The following SFI1 variants were observed in gnomAD, a reference collection of about 807,000 sequenced individuals.
SFI1 encodes the protein protein SFI1 homolog.
A neutral mutation model predicts 207.5 loss-of-function variants in SFI1; 195 were observed. The observed-to-expected ratio is 0.94, with a 90% confidence interval of 0.84 to 1.06. The LOEUF (loss-of-function observed/expected upper bound fraction) is 1.06, where lower values mean the gene tolerates loss of function less well. Ranked by LOEUF, SFI1 falls within the 50% of genes least tolerant of loss-of-function variation. The pLI, the probability that SFI1 is intolerant of heterozygous loss-of-function variation, is 0.00. For missense variants in SFI1, 1,634 were observed against 1,588.0 expected, an observed-to-expected ratio of 1.03 and a Z score of -0.49; for synonymous variants, 630 against 598.9, an observed-to-expected ratio of 1.05 and a Z score of -0.76.
At chr22:31,607,288 G>A (rs1338304971) in intron 21 of SFI1, among the ~76,000 whole-genome samples, 2 of 152,086 alleles carry the variant, frequency 1.3e-5, no homozygotes, top group Non-Finnish European at 2.9e-5. Context: ...TGTATACGAC[G>A]TAGGTGTGTT....
At chr22:31,519,515 C>T (rs2056949570) in intron 2 of SFI1, among the ~76,000 whole-genome samples, 2 of 151,922 alleles carry the variant, frequency 1.3e-5, no homozygotes, top group African/African-American at 4.8e-5. Context: ...TGGCTCACTG[C>T]AACATCTGCC....
chr22:31,548,821 AT>A (rs1483289358), intron 5 of SFI1, among the ~76,000 whole-genome samples: 1 of 151,902 alleles, frequency 6.6e-6, no homozygotes, highest in Non-Finnish European at 1.5e-5. Flanking sequence ...AAAAAAAAAA[AT>A]TCTTTTTTAA....
At chr22:31,601,238 C>A (rs1339161646) in intron 15 of SFI1, among the ~76,000 whole-genome samples, 2 of 150,344 alleles carry the variant, frequency 1.3e-5, no homozygotes, top group Non-Finnish European at 2.9e-5. Context: ...ATTCTCCTGC[C>A]TCAGCCTCCC....
At chr22:31,526,970 C>T (rs1050602992) in intron 2 of SFI1, among the ~76,000 whole-genome samples, 3 of 152,116 alleles carry the variant, frequency 2.0e-5, no homozygotes, top group African/African-American at 7.2e-5. Flanking sequence ...TGGCATGGCT[C>T]ACCGCAACCT....
chr22:31,548,745 G>A (rs1304094655), intron 5 of SFI1, among the ~76,000 whole-genome samples: 2 of 151,724 alleles, frequency 1.3e-5, no homozygotes, highest in African/African-American at 2.4e-5. Context: ...GGAGTCGGAG[G>A]TTGCAGTGGG....
chr22:31,520,277 G>A (rs1001848342), intron 2 of SFI1, among the ~76,000 whole-genome samples: 1 of 151,682 alleles, frequency 6.6e-6, no homozygotes, highest in Non-Finnish European at 1.5e-5. Flanking sequence ...TGACTTGAAT[G>A]GTAATTACTT....
At chr22:31,575,124 C>A in intron 9 of SFI1, 107 bp from the exon 10 acceptor site, 2 of 697,188 alleles carry the variant, frequency 2.9e-6, no homozygotes, top group Non-Finnish European at 4.5e-6. Context: ...GTGTGTGTGG[C>A]CTTGAACCCC....
intron 3 of SFI1, chr22:31,530,544 CTG>C (rs2058414938): frequency 2.3e-6 from 1 of 434,218 alleles, no homozygotes; most frequent in African/African-American, 2.1e-5. Flanking sequence ...ATACCAGACA[CTG>C]TGCTAGGTAC....
intron 15 of SFI1, among the ~76,000 whole-genome samples, chr22:31,589,798 TGTGTG>T (rs1378960001): frequency 0.012 from 1,629 of 140,544 alleles, 8 homozygotes; most frequent in Middle Eastern, 0.033. Context: ...TTATTTTTTT[TGTGTG>T]TGTGTATATA....
intron 29 of SFI1, 154 bp downstream of exon 29, chr22:31,615,433 A>G: frequency 3.2e-6 from 2 of 621,188 alleles, no homozygotes; most frequent in Non-Finnish European, 5.1e-6. Flanking sequence ...ACTGCACACC[A>G]GGTCCAAGGG....
At chr22:31,497,193 T>C (rs2052825225) in intron 1 of SFI1, 2 of 151,892 alleles carry the variant, frequency 1.3e-5, no homozygotes, top group African/African-American at 4.8e-5. Flanking sequence ...ATTTGTTGAA[T>C]GAATGATGTG....
rs1293077499 is a variant in SFI1 at position 31,553,867 on chromosome 22, T to TTTTTTTTTC, written c.545-3074_545-3073insTTTTTTTCT. 3.4e-4 allele frequency among the ~76,000 whole-genome samples: 39 copies of TTTTTTTTTC among 116,200 alleles called. 1 individual carries two copies. The highest frequency in any genetic ancestry group is 5.8e-4 in the Non-Finnish European group (33 of 57,152). 76.2% of individuals were successfully genotyped at this position (116,200 alleles called of 152,430 possible). On this transcript the variant is annotated intron_variant, in intron 6 of 32. Coordinates refer to ENST00000400288, the MANE Select transcript of SFI1 (RefSeq NM_001007467.3). Reference sequence around the variant, plus strand: ...TTTTTTTTTTTTTTTTTTTTTTTTTTTGCGAGAGTCCCACTGTTGCCCAGG... The same window carrying TTTTTTTTTC: ...TTTTTTTTTTTTTTTTTTTTTTTTTTTTTTTTTTCTGCGAGAGTCCCACTGTTGCCCAGG...
intron 2 of SFI1, among the ~76,000 whole-genome samples, chr22:31,525,117 CT>C (rs1212214751): frequency 6.6e-6 from 1 of 152,082 alleles, no homozygotes. Context: ...TATAGGTTGT[CT>C]TTTTACTCTG....
In SFI1 at chr22:31,618,309, C is replaced by CCCAGGTGGAAATGCAGATCCA. The variant is rs762220195; in HGVS notation, c.3625-4_3641dup. On this transcript the variant is annotated splice_polypyrimidine_tract_variant and splice_region_variant and intron_variant, in intron 32 of 32. Coordinates refer to ENST00000400288, the MANE Select transcript of SFI1 (RefSeq NM_001007467.3). ...TCAGCCCTGCCTGTCCCTCCATGGC[C>CCCAGGTGGAAATGCAGATCCA]CCAGGTGGAAATGCAGATCCAGCTG... is the stretch of plus-strand genomic sequence containing the variant. 2.1e-5 allele frequency: 33 copies of CCCAGGTGGAAATGCAGATCCA among 1,608,458 alleles called. No individual in the cohort carries two copies. Among genetic ancestry groups the CCCAGGTGGAAATGCAGATCCA allele is most frequent in the Non-Finnish European group, 8.5e-7 (1 of 1,176,476 alleles).
intron 8 of SFI1, among the ~76,000 whole-genome samples, chr22:31,566,153 G>C (rs1309302359): frequency 6.6e-6 from 1 of 150,644 alleles, no homozygotes; most frequent in Non-Finnish European, 1.5e-5. Context: ...CCGTGCAGTG[G>C]CACAATCTCA....
Position 31,615,261 on chromosome 22 carries a change from G to T in SFI1, c.3282G>T (p.Gly1094=). 6.6e-7 allele frequency: 1 copy of T among 1,505,180 alleles called. No homozygotes were observed. The highest frequency in any genetic ancestry group is 8.8e-7 in the Non-Finnish European group (1 of 1,134,464). 93.2% of individuals were successfully genotyped at this position (1,505,180 alleles called of 1,614,324 possible). The change falls in exon 29 of 33, where the codon GGG becomes GGT. Residue 1094 remains glycine (G), a synonymous_variant. Transcript: ENST00000400288. ...CTCTTTCCTCCTTCATGCCCTGCGG[G>T]GCGGCTGCACCAGCCAGGGTACGTC... ...LLPLSSFMPC[G]AAAPARVSAQ...
At chr22:31,526,550 C>T (rs1335418245) in intron 2 of SFI1, among the ~76,000 whole-genome samples, 1 of 152,090 alleles carries the variant, frequency 6.6e-6, no homozygotes, top group African/African-American at 2.4e-5. Flanking sequence ...CACAGCTAAA[C>T]CATATCAATA....
In SFI1 at chr22:31,615,246, C is replaced by T. The variant is rs2071211166; in HGVS notation, c.3267C>T (p.Ser1089=). Residue 1089 remains serine (S), a synonymous_variant, in exon 29 of 33, where the codon TCC becomes TCT. Coordinates refer to ENST00000400288, the MANE Select transcript of SFI1 (RefSeq NM_001007467.3). ...GPELLLLPLS[S]FMPCGAAAPA... ...AGCTGCTGCTGCTGCCTCTTTCCTC[C>T]TTCATGCCCTGCGGGGCGGCTGCAC... is the stretch of plus-strand genomic sequence containing the variant. 2 of 1,521,516 alleles carry T rather than the reference C, an allele frequency of 1.3e-6. No individual in the cohort carries two copies. The highest frequency in any genetic ancestry group is 1.3e-5 in the South Asian group (1 of 79,344). The allele number at this position is 1,521,516 out of a possible 1,614,324, so 94.3% of individuals were successfully genotyped here.
intron 19 of SFI1, 199 bp downstream of exon 19, chr22:31,604,603 T>C (rs890414158): frequency 5.0e-6 from 3 of 595,914 alleles, no homozygotes; most frequent in Non-Finnish European, 8.8e-6. Context: ...AAACAAGTGC[T>C]GTCTGTGGGT....
Sources: allele counts gnomAD v4.1 joint callset (sites outside exome capture counted in the v4.1 genomes callset), GRCh38; gene constraint gnomAD v4.1.1; transcripts MANE v1.5; gene names NCBI Gene and HGNC (gene_info 2026-07-23, HGNC 2026-07-21).